The following MECOM variants were observed in gnomAD, a reference collection of about 807,000 sequenced individuals.
MECOM encodes the protein MDS1 and EVI1 complex locus, also known as histone-lysine N-methyltransferase MECOM.
Under a neutral mutation model 116.3 loss-of-function variants are expected in MECOM, and 13 were observed. The observed-to-expected ratio is 0.11, with a 90% CI of 0.07 to 0.18. The LOEUF is 0.18. Among genes scored for constraint, MECOM ranks in the 10% least tolerant of loss-of-function variants. The pLI, the probability that MECOM is intolerant of heterozygous loss-of-function variation, is 1.00. For synonymous variants in MECOM, 528 were observed against 535.2 expected, an observed-to-expected ratio of 0.99 and a Z score of 0.19; for missense variants, 1,299 against 1,509.0, an observed-to-expected ratio of 0.86 and a Z score of 2.31.
chr3:169,436,052 T>C (rs968450659), intron 1 of MECOM, among the ~76,000 whole-genome samples: 7 of 152,184 alleles, frequency 4.6e-5, no homozygotes, highest in African/African-American at 1.7e-4. Context: ...TTCAATTATC[T>C]TTCACAATAT....
chr3:169,145,990 T>C (rs920842974), intron 2 of MECOM: 1 of 220,870 alleles, frequency 4.5e-6, no homozygotes, highest in African/African-American at 2.2e-5. Flanking sequence ...GGGTGAATTA[T>C]TCACTTTTGA....
At chr3:169,592,172 AAC>A (rs969871760) in intron 1 of MECOM, among the ~76,000 whole-genome samples, 6 of 152,070 alleles carry the variant, frequency 3.9e-5, no homozygotes, top group African/African-American at 1.4e-4. Context: ...ATAATTCCCA[AAC>A]ACACCACTAG....
intron 1 of MECOM, among the ~76,000 whole-genome samples, chr3:169,614,578 A>T (rs1446310905): frequency 6.6e-6 from 1 of 152,060 alleles, no homozygotes; most frequent in African/African-American, 2.4e-5. Context: ...TGGCTGCTTG[A>T]TTTCCACGGT....
At chr3:169,425,099 A>ACCCC (rs5854331) in intron 1 of MECOM, among the ~76,000 whole-genome samples, 33 of 147,414 alleles carry the variant, frequency 2.2e-4, no homozygotes, top group African/African-American at 5.3e-4. Context: ...ATTTGCAGAA[A>ACCCC]CCCCCCCCCA....
intron 2 of MECOM, among the ~76,000 whole-genome samples, chr3:169,340,453 A>G (rs1267963895): frequency 6.6e-6 from 1 of 152,166 alleles, no homozygotes; most frequent in Non-Finnish European, 1.5e-5. Context: ...TTCAAGTTAG[A>G]TAGGATTATT....
intron 2 of MECOM, among the ~76,000 whole-genome samples, chr3:169,155,783 T>C (rs2149336051): frequency 6.6e-6 from 1 of 152,238 alleles, no homozygotes; most frequent in Non-Finnish European, 1.5e-5. Context: ...GAAATATGAA[T>C]AGAAGCTCTT....
At chr3:169,251,878 T>C (rs551075331) in intron 2 of MECOM, among the ~76,000 whole-genome samples, 13 of 152,300 alleles carry the variant, frequency 8.5e-5, no homozygotes, top group Admixed American at 1.3e-4. Context: ...CTGCATTGCT[T>C]TTAAAGAAAT....
intron 1 of MECOM, among the ~76,000 whole-genome samples, chr3:169,475,713 G>A (rs1287349739): frequency 6.6e-6 from 1 of 151,642 alleles, no homozygotes; most frequent in East Asian, 1.9e-4. Context: ...CCTTTCCATA[G>A]TCTTTGTAAA....
In MECOM at chr3:169,378,474, CAAGAAA is replaced by C. The variant is rs1485843311; in HGVS notation, c.375+2707_375+2712del. ...GAAGGAAAGCAAGCAAGCAAGCAAG[CAAGAAA>C]GAGAGAGAGAAAGAAAGAAAGAAAG... On this transcript the variant is annotated intron_variant, in intron 2 of 16. Coordinates refer to ENST00000651503, the MANE Select transcript of MECOM (RefSeq NM_004991.4). 8.2e-3 allele frequency among the ~76,000 whole-genome samples: 224 copies of C among 27,454 alleles called. 34 individuals carry two copies. The highest frequency in any genetic ancestry group is 0.054 in the African/African-American group (199 of 3,686). 18.0% of individuals were successfully genotyped at this position (27,454 alleles called of 152,430 possible).
At chr3:169,453,872 T>C (rs1426237043) in intron 1 of MECOM, among the ~76,000 whole-genome samples, 2 of 152,076 alleles carry the variant, frequency 1.3e-5, no homozygotes, top group South Asian at 2.1e-4. Context: ...AAAAGCATGC[T>C]TGTGGCAAGA....
At chr3:169,276,941 A>G (rs1759654262) in intron 2 of MECOM, among the ~76,000 whole-genome samples, 1 of 152,218 alleles carries the variant, frequency 6.6e-6, no homozygotes, top group Admixed American at 6.5e-5. Flanking sequence ...AAGGCACAAC[A>G]TATTTAATGA....
chr3:169,252,819 G>A (rs987052111), intron 2 of MECOM, among the ~76,000 whole-genome samples: 9 of 152,190 alleles, frequency 5.9e-5, no homozygotes, highest in Non-Finnish European at 1.2e-4. Flanking sequence ...GCTAGCAGAT[G>A]GCTAAAGCCA....
At chr3:169,397,124 A>C (rs748843087) in intron 1 of MECOM, among the ~76,000 whole-genome samples, 4 of 152,224 alleles carry the variant, frequency 2.6e-5, no homozygotes, top group Non-Finnish European at 4.4e-5. Flanking sequence ...CTAGCAAAAG[A>C]TTATGAAATG....
chr3:169,416,012 G>A (rs1003740896), intron 1 of MECOM, among the ~76,000 whole-genome samples: 2 of 152,076 alleles, frequency 1.3e-5, no homozygotes, highest in Non-Finnish European at 2.9e-5. Flanking sequence ...AATCAGCTCT[G>A]GACCAAGTGG....
At chr3:169,441,094 G>T (rs567655913) in intron 1 of MECOM, among the ~76,000 whole-genome samples, 1 of 152,282 alleles carries the variant, frequency 6.6e-6, no homozygotes, top group Admixed American at 6.5e-5. Context: ...CCTGGACATT[G>T]CTCTGGGCAG....
chr3:169,459,898 C>T (rs1198668141), intron 1 of MECOM, among the ~76,000 whole-genome samples: 1 of 152,076 alleles, frequency 6.6e-6, no homozygotes, highest in African/African-American at 2.4e-5. Context: ...GAGAAGCACC[C>T]GAGACTGGCG....
At chr3:169,425,668 TA>T (rs1403140470) in intron 1 of MECOM, among the ~76,000 whole-genome samples, 9 of 152,170 alleles carry the variant, frequency 5.9e-5, no homozygotes, top group African/African-American at 1.9e-4. Context: ...CAGTAAGCGA[TA>T]GAGCATATTT....
At chr3:169,146,828 C>T in intron 2 of MECOM, 1 of 1,082,628 alleles carries the variant, frequency 9.2e-7, no homozygotes. Context: ...GCACGAAAAT[C>T]CTTTCAAACG....
At chr3:169,388,983 G>C (rs10936579) in intron 1 of MECOM, among the ~76,000 whole-genome samples, 19,775 of 152,218 alleles carry the variant, frequency 0.13, 1,468 homozygotes, top group Admixed American at 0.24. Context: ...AGATGGCAAA[G>C]AATGTGATAC....
Sources: allele counts gnomAD v4.1 joint callset (sites outside exome capture counted in the v4.1 genomes callset), GRCh38; gene constraint gnomAD v4.1.1; transcripts MANE v1.5; gene names NCBI Gene and HGNC (gene_info 2026-07-23, HGNC 2026-07-21).